Variants in ZMYM4 observed in about 807,000 individuals in gnomAD.
The protein encoded by ZMYM4 is zinc finger MYM-type containing 4, also known as zinc finger MYM-type protein 4.
ZMYM4 carries 31 observed loss-of-function variants against 183.2 expected under a neutral mutation model. That is an observed-to-expected ratio of 0.17 (90% CI 0.13 to 0.23). ZMYM4 has a LOEUF of 0.23. Ranked by LOEUF, ZMYM4 falls within the 10% of genes least tolerant of loss-of-function variation. ZMYM4 has a pLI of 1.00. For synonymous variants in ZMYM4, 592 were observed against 631.2 expected, an observed-to-expected ratio of 0.94 and a Z score of 0.93; for missense variants, 1,273 against 1,840.3, an observed-to-expected ratio of 0.69 and a Z score of 5.64.
At chr1:35,269,170 G>T (rs1639463944) in intron 1 of ZMYM4, 85 bp downstream of exon 1, 4 of 1,506,294 alleles carry the variant, frequency 2.7e-6, no homozygotes, top group Middle Eastern at 2.2e-4. Flanking sequence ...GTTCGTGGAG[G>T]GGTCGCCGAG....
chr1:35,381,763 A>C lies in ZMYM4; in HGVS notation c.1569+5A>C, dbSNP rs940183835. 2 of 1,613,498 alleles carry C rather than the reference A, an allele frequency of 1.2e-6. No individual in the cohort carries two copies. Among genetic ancestry groups the C allele is most frequent in the African/African-American group, 2.7e-5 (2 of 74,920 alleles). On this transcript the variant is annotated splice_donor_5th_base_variant and intron_variant, in intron 9 of 29. Transcript: ENST00000314607. ...TGTATCACGGCATACAAGCAGGTAC[A>C]TGACCATATTTAATCTTGATGTCTT...
intron 2 of ZMYM4, among the ~76,000 whole-genome samples, chr1:35,336,597 A>T (rs1472009390): frequency 1.3e-5 from 2 of 151,824 alleles, no homozygotes; most frequent in Non-Finnish European, 2.9e-5. Flanking sequence ...TAGAGACAGG[A>T]CTGTACCACA....
At chr1:35,363,136 C>A (rs930688503) in intron 5 of ZMYM4, among the ~76,000 whole-genome samples, 9 of 152,112 alleles carry the variant, frequency 5.9e-5, no homozygotes, top group Non-Finnish European at 1.3e-4. Context: ...GTGCCACTGC[C>A]CTCCGGCTTG....
intron 18 of ZMYM4, among the ~76,000 whole-genome samples, chr1:35,395,887 G>A (rs562698834): frequency 1.8e-4 from 28 of 152,294 alleles, no homozygotes; most frequent in African/African-American, 6.3e-4. Flanking sequence ...GTTGGGGACC[G>A]TCTGGTTAAA....
At chr1:35,395,973 G>C (rs1214420403) in intron 18 of ZMYM4, among the ~76,000 whole-genome samples, 1 of 152,056 alleles carries the variant, frequency 6.6e-6, no homozygotes, top group Non-Finnish European at 1.5e-5. Context: ...TTAATACTTA[G>C]AACATCTGCT....
intron 3 of ZMYM4, among the ~76,000 whole-genome samples, chr1:35,360,475 A>C (rs973324405): frequency 6.6e-6 from 1 of 152,136 alleles, no homozygotes; most frequent in Non-Finnish European, 1.5e-5. Context: ...CAGTATTGTT[A>C]AAAAGACAGC....
chr1:35,329,697 T>G (rs922702309), intron 2 of ZMYM4, among the ~76,000 whole-genome samples: 9 of 152,144 alleles, frequency 5.9e-5, no homozygotes, highest in Non-Finnish European at 1.2e-4. Context: ...AAAGTTTGCA[T>G]GTATTATCTT....
chr1:35,401,371 C>G (rs949839154), intron 23 of ZMYM4, among the ~76,000 whole-genome samples: 4 of 152,154 alleles, frequency 2.6e-5, no homozygotes, highest in African/African-American at 9.7e-5. Flanking sequence ...TTGTTTTTCC[C>G]TAATGATTAA....
chr1:35,419,459 C>A lies in ZMYM4; in HGVS notation c.4440-11C>A. ...TTCTTTTTTCTCTTTTTTTTTTTCC[C>A]CTGTGGATAGTTCTGAAAGTGTGAA... On this transcript the variant is annotated splice_polypyrimidine_tract_variant and intron_variant, in intron 29 of 29. Transcript: ENST00000314607. 6.2e-7 allele frequency: 1 copy of A among 1,609,742 alleles called. No individual in the cohort carries two copies. Among genetic ancestry groups the A allele is most frequent in the Non-Finnish European group, 8.5e-7 (1 of 1,178,594 alleles).
chr1:35,324,860 A>G lies in ZMYM4; in HGVS notation c.40-500A>G, dbSNP rs560178101. 9.2e-5 allele frequency among the ~76,000 whole-genome samples: 14 copies of G among 152,286 alleles called. No homozygotes were observed. The South Asian group carries it at 2.9e-3, about 32-fold the overall frequency. ...TTAAAGATCTGAAATTACCTCTGAC[A>G]TGGCTCTACTTCTGTCTTAGGCACT... On this transcript the variant is annotated intron_variant, in intron 1 of 29. Transcript: ENST00000314607.
At chr1:35,355,984 T>G (rs1254457925) in intron 2 of ZMYM4, among the ~76,000 whole-genome samples, 1 of 152,136 alleles carries the variant, frequency 6.6e-6, no homozygotes, top group Non-Finnish European at 1.5e-5. Flanking sequence ...TCCCAGCAGT[T>G]TGGCAGGCTG....
At chr1:35,281,464 G>A (rs531088814) in intron 1 of ZMYM4, among the ~76,000 whole-genome samples, 1 of 152,204 alleles carries the variant, frequency 6.6e-6, no homozygotes, top group South Asian at 2.1e-4. Context: ...GGGGATGGAA[G>A]GGAGGGACAG....
chr1:35,269,419 G>A (rs1280738647), intron 1 of ZMYM4, among the ~76,000 whole-genome samples: 5 of 151,412 alleles, frequency 3.3e-5, no homozygotes, highest in Non-Finnish European at 7.4e-5. Flanking sequence ...GTACATCAGA[G>A]TCTGGAAGTT....
chr1:35,283,326 C>CTTTTTTTTT lies in ZMYM4; in HGVS notation c.39+14262_39+14270dup, dbSNP rs201360397. On this transcript the variant is annotated intron_variant, in intron 1 of 29. Transcript: ENST00000314607. Reference sequence around the variant, plus strand: ...TGTCCTAGTGGGTGTGAAGTGGTATCTTTTTTTTTTTTTTTTTTTTTTTTT... The same window carrying CTTTTTTTTT: ...TGTCCTAGTGGGTGTGAAGTGGTATCTTTTTTTTTTTTTTTTTTTTTTTTTTTTTTTTTT... Among the ~76,000 whole-genome samples the CTTTTTTTTT allele has an allele frequency of 2.3e-4, 13 of 56,770 alleles. 3 individuals carry two copies. Among genetic ancestry groups the CTTTTTTTTT allele is most frequent in the African/African-American group, 1.2e-3 (13 of 10,506 alleles). 37.2% of individuals were successfully genotyped at this position (56,770 alleles called of 152,430 possible). A position where few individuals can be genotyped will look rare whatever the true frequency, so the allele number is the denominator to read the frequency against.
intron 2 of ZMYM4, chr1:35,351,053 G>C: frequency 1.2e-6 from 1 of 848,132 alleles, no homozygotes; most frequent in Admixed American, 1.7e-5. Flanking sequence ...TTCTCAATAG[G>C]TTTGGCATGG....
At chr1:35,400,639 A>G (rs1644891379) in intron 23 of ZMYM4, among the ~76,000 whole-genome samples, 1 of 152,240 alleles carries the variant, frequency 6.6e-6, no homozygotes, top group African/African-American at 2.4e-5. Context: ...TAATTATATT[A>G]AAACATTTTT....
At chr1:35,394,397 G>A (rs1644771502) in intron 18 of ZMYM4, among the ~76,000 whole-genome samples, 1 of 151,826 alleles carries the variant, frequency 6.6e-6, no homozygotes, top group Admixed American at 6.6e-5. Flanking sequence ...TGGAAACTGG[G>A]TGAAGGGAAG....
At chr1:35,405,750 G>A (rs903096647) in intron 25 of ZMYM4, among the ~76,000 whole-genome samples, 2 of 127,148 alleles carry the variant, frequency 1.6e-5, no homozygotes, top group African/African-American at 6.0e-5. Context: ...TAATCCATGT[G>A]GAGCCCAGTT....
chr1:35,394,784 T>C (rs556155232), intron 18 of ZMYM4, among the ~76,000 whole-genome samples: 1 of 152,324 alleles, frequency 6.6e-6, no homozygotes, highest in African/African-American at 2.4e-5. Context: ...CACTAAGGAA[T>C]AGATCTTTGT....
Sources: allele counts gnomAD v4.1 joint callset (sites outside exome capture counted in the v4.1 genomes callset), GRCh38; gene constraint gnomAD v4.1.1; transcripts MANE v1.5; gene names NCBI Gene and HGNC (gene_info 2026-07-23, HGNC 2026-07-21).